Variants in ZNF407 observed in about 807,000 individuals in gnomAD.
ZNF407 encodes the protein zinc finger protein 407.
ZNF407 carries 17 observed loss-of-function variants against 131.2 expected under a neutral mutation model. That is an observed-to-expected ratio of 0.13 (90% CI 0.09 to 0.19). ZNF407 has a LOEUF of 0.19. ZNF407 is among the 10% of genes least tolerant of loss of function. The probability of loss-of-function intolerance (pLI) is 1.00; values close to 1 mark genes in which losing one functional copy is unlikely to be tolerated. For missense variants in ZNF407, 2,681 were observed against 2,830.6 expected (o/e 0.95, Z 1.20); for synonymous variants, 1,156 against 1,062.0 (o/e 1.09, Z -1.72).
chr18:75,030,366 A>G (rs1973225666), intron 8 of ZNF407, among the ~76,000 whole-genome samples: 1 of 152,206 alleles, frequency 6.6e-6, no homozygotes, highest in Non-Finnish European at 1.5e-5. Flanking sequence ...CACACTGTGG[A>G]TTAAATTATG....
chr18:74,844,275 C>T (rs969690017), intron 4 of ZNF407, among the ~76,000 whole-genome samples: 2 of 152,162 alleles, frequency 1.3e-5, no homozygotes, highest in Non-Finnish European at 1.5e-5. Flanking sequence ...CGCAGTTGGA[C>T]GGTGAACCCC....
intron 2 of ZNF407, among the ~76,000 whole-genome samples, chr18:74,637,962 A>G (rs1359539476): frequency 6.6e-6 from 1 of 152,240 alleles, no homozygotes; most frequent in Admixed American, 6.5e-5. Flanking sequence ...ATGACCAGAA[A>G]GGGCAGTCTT....
intron 4 of ZNF407, among the ~76,000 whole-genome samples, chr18:74,835,632 G>GTGTGTGTT (rs779028700): frequency 0.15 from 8,970 of 59,232 alleles, 332 homozygotes; most frequent in East Asian, 0.27. Context: ...AGAGGGGGGT[G>GTGTGTGTT]TGTGTGTGTG....
intron 4 of ZNF407, among the ~76,000 whole-genome samples, chr18:74,842,600 ATGTGTG>A (rs10533228): frequency 1.9e-3 from 284 of 150,046 alleles, no homozygotes; most frequent in Middle Eastern, 0.014. Flanking sequence ...TTCCCTAGTG[ATGTGTG>A]TGTGTGTGTG....
chr18:74,787,749 A>G (rs1432930274), intron 4 of ZNF407, among the ~76,000 whole-genome samples: 1 of 152,162 alleles, frequency 6.6e-6, no homozygotes, highest in Non-Finnish European at 1.5e-5. Context: ...ATTGCTAGAG[A>G]ACTGCTTTTC....
chr18:74,834,159 G>A (rs750178379), intron 4 of ZNF407, among the ~76,000 whole-genome samples: 1 of 152,176 alleles, frequency 6.6e-6, no homozygotes, highest in Non-Finnish European at 1.5e-5. Flanking sequence ...TAACCCTTAT[G>A]TGGCGCAGAT....
intron 1 of ZNF407, among the ~76,000 whole-genome samples, chr18:74,610,709 G>A (rs1010470845): frequency 4.0e-5 from 6 of 151,816 alleles, no homozygotes; most frequent in African/African-American, 1.2e-4. Context: ...CTACCACACC[G>A]GGCTAATTTC....
At chr18:74,949,287 G>A (rs1186638384) in intron 8 of ZNF407, among the ~76,000 whole-genome samples, 1 of 152,284 alleles carries the variant, frequency 6.6e-6, no homozygotes, top group East Asian at 1.9e-4. Flanking sequence ...TGGAACCCAG[G>A]CATTTTGCTC....
At chr18:74,741,223 A>G (rs751530435) in intron 3 of ZNF407, among the ~76,000 whole-genome samples, 163 of 152,160 alleles carry the variant, frequency 1.1e-3, no homozygotes, top group Non-Finnish European at 1.8e-3. Flanking sequence ...GGTCGGGAGC[A>G]TTTTGTATAT....
At chr18:75,050,635 G>C (rs12605785) in intron 8 of ZNF407, among the ~76,000 whole-genome samples, 30,081 of 152,138 alleles carry the variant, frequency 0.2, 3,354 homozygotes, top group African/African-American at 0.3. Flanking sequence ...TTATTACAAG[G>C]AGTAAGCTTG....
At chr18:74,719,100 G>C (rs1423870954) in intron 3 of ZNF407, among the ~76,000 whole-genome samples, 1 of 152,090 alleles carries the variant, frequency 6.6e-6, no homozygotes, top group Non-Finnish European at 1.5e-5. Context: ...CATTAATGAT[G>C]CTTGGAAACA....
intron 4 of ZNF407, among the ~76,000 whole-genome samples, chr18:74,809,154 C>T (rs1970157977): frequency 6.6e-6 from 1 of 152,156 alleles, no homozygotes; most frequent in South Asian, 2.1e-4. Context: ...CATGCATCTT[C>T]GCCATGCAAT....
intron 8 of ZNF407, among the ~76,000 whole-genome samples, chr18:75,058,291 C>T (rs950180843): frequency 2.6e-5 from 4 of 152,206 alleles, no homozygotes; most frequent in African/African-American, 9.7e-5. Context: ...TCAGACACCC[C>T]AGTAACTACC....
At chr18:74,604,890 GATATTTATAGTTCATGCATAGTTCATCA>G (rs1982735264) in intron 1 of ZNF407, among the ~76,000 whole-genome samples, 2 of 152,132 alleles carry the variant, frequency 1.3e-5, no homozygotes, top group African/African-American at 4.8e-5. Flanking sequence ...GTCCCCATCA[GATATTTATAGTTCATGCATAGTTCATCA>G]AAGTCTGGAT....
chr18:74,677,951 G>T (rs1206050713), intron 3 of ZNF407, among the ~76,000 whole-genome samples: 2 of 152,142 alleles, frequency 1.3e-5, no homozygotes, highest in African/African-American at 2.4e-5. Flanking sequence ...CTCCCAAGTA[G>T]CTGGGACTAC....
chr18:74,959,628 A>G (rs2145289653), intron 8 of ZNF407, among the ~76,000 whole-genome samples: 1 of 152,318 alleles, frequency 6.6e-6, no homozygotes, highest in East Asian at 1.9e-4. Flanking sequence ...ACACTTGGGA[A>G]CTTGGGAATG....
rs529999725 is a variant in ZNF407, at chr18:74,679,681, A to C, written c.4802+38559A>C. ...CAATTATTTCTGATAGTTTTTCCTC[A>C]CACACAGTTGCTTCTTTGCATCTCC... On this transcript the variant is annotated intron_variant, in intron 3 of 8. Coordinates refer to ENST00000299687, the MANE Select transcript of ZNF407 (RefSeq NM_017757.3). Among the ~76,000 whole-genome samples, 15 of 152,264 alleles carry C rather than the reference A, an allele frequency of 9.9e-5. No homozygotes were observed. In the Middle Eastern group the frequency reaches 0.017, roughly 173 times the overall value.
chr18:74,874,889 G>T (rs113170893), intron 4 of ZNF407, among the ~76,000 whole-genome samples: 4,060 of 152,108 alleles, frequency 0.027, 163 homozygotes, highest in African/African-American at 0.09. Flanking sequence ...TGGGTATTCA[G>T]GTGTTTCTGC....
chr18:74,751,319 G>A (rs1413648607), intron 3 of ZNF407, among the ~76,000 whole-genome samples: 1 of 152,014 alleles, frequency 6.6e-6, no homozygotes, highest in Non-Finnish European at 1.5e-5. Context: ...CTTTTCTAAT[G>A]TGGCTACGCA....
Sources: allele counts gnomAD v4.1 joint callset (sites outside exome capture counted in the v4.1 genomes callset), GRCh38; gene constraint gnomAD v4.1.1; transcripts MANE v1.5; gene names NCBI Gene and HGNC (gene_info 2026-07-23, HGNC 2026-07-21).